Variants in RPAP3 observed in about 807,000 individuals in gnomAD.
RPAP3 encodes the protein RNA polymerase II-associated protein 3.
In RPAP3, 58 loss-of-function variants were observed where a neutral mutation model predicts 88.8. That is an observed-to-expected ratio of 0.65 (90% CI 0.53 to 0.81). The LOEUF (loss-of-function observed/expected upper bound fraction) is 0.81. Among genes scored for constraint, RPAP3 ranks in the 40% least tolerant of loss-of-function variants. The pLI, the probability that RPAP3 is intolerant of heterozygous loss-of-function variation, is 0.00. For synonymous variants in RPAP3, 255 were observed against 259.9 expected (o/e 0.98, Z 0.18); for missense variants, 751 against 764.3 (o/e 0.98, Z 0.20).
At chr12:47,675,394 A>G (rs1211522317) in intron 12 of RPAP3, among the ~76,000 whole-genome samples, 4 of 152,204 alleles carry the variant, frequency 2.6e-5, no homozygotes, top group African/African-American at 9.6e-5. Flanking sequence ...TTCACACATA[A>G]CAATATTACC....
chr12:47,673,457 AAAAAAAAAAAAAAG>A (rs1939041912), intron 12 of RPAP3, among the ~76,000 whole-genome samples: 1 of 110,112 alleles, frequency 9.1e-6, no homozygotes, highest in Admixed American at 1.0e-4. Context: ...AAAAAAAAAA[AAAAAAAAAAAAAAG>A]AATACAGTCA....
intron 12 of RPAP3, among the ~76,000 whole-genome samples, chr12:47,678,226 T>C (rs1592473657): frequency 6.6e-6 from 1 of 152,190 alleles, no homozygotes; most frequent in South Asian, 2.1e-4. Context: ...ATCCCTTCCT[T>C]ACACCTTATA....
chr12:47,685,224 C>T (rs1438477669), intron 9 of RPAP3, among the ~76,000 whole-genome samples: 4 of 151,944 alleles, frequency 2.6e-5, no homozygotes, highest in Admixed American at 6.6e-5. Context: ...ACTAAAAATA[C>T]AAAAATTAGC....
intron 10 of RPAP3, among the ~76,000 whole-genome samples, chr12:47,680,030 T>A (rs760048098): frequency 3.3e-5 from 5 of 152,192 alleles, no homozygotes; most frequent in Non-Finnish European, 5.9e-5. Context: ...AGAGGTCATC[T>A]AACTTAGCAA....
chr12:47,670,799 T>G (rs573631848), intron 12 of RPAP3, among the ~76,000 whole-genome samples: 1 of 152,160 alleles, frequency 6.6e-6, no homozygotes, highest in South Asian at 2.1e-4. Context: ...AGACAGCTTA[T>G]GAAGGGACTT....
intron 9 of RPAP3, among the ~76,000 whole-genome samples, chr12:47,685,422 G>A (rs1278166636): frequency 5.3e-5 from 8 of 151,318 alleles, no homozygotes; most frequent in Non-Finnish European, 1.2e-4. Flanking sequence ...ACATTATAAC[G>A]GTTACTGGTA....
In RPAP3 at chr12:47,681,815, T is replaced by A; in HGVS notation, c.995A>T (p.Tyr332Phe). ...TGTGCAGTCTTTTTCAGCTTCTTCA[T>A]ATCTATTGAACATGATAAAATTACT... ...RAMAYLKIQK[Y>F]EEAEKDCTQA... The change falls in exon 10 of 17, where the codon TAT becomes TTT. Residue 332 changes from tyrosine to phenylalanine, a missense_variant and splice_region_variant. Transcript: ENST00000005386. The A allele has an allele frequency of 6.2e-7, 1 of 1,600,554 alleles. No individual in the cohort carries two copies.
Position 47,685,519 on chromosome 12 carries a change from G to A in RPAP3, c.992+1261C>T, listed in dbSNP as rs148756023. ...TTATTTGCATGTGATTGCAGTGTCT[G>A]GTTTATAGATACTCTTGTGACAAGG... On this transcript the variant is annotated intron_variant, in intron 9 of 16. Transcript: ENST00000005386. 2.1e-3 allele frequency among the ~76,000 whole-genome samples: 320 copies of A among 152,218 alleles called. 2 individuals carry two copies. Among genetic ancestry groups the A allele is most frequent in the African/African-American group, 7.2e-3 (298 of 41,534 alleles).
At chr12:47,705,038 G>C (rs1000697873) in intron 1 of RPAP3, among the ~76,000 whole-genome samples, 1 of 152,080 alleles carries the variant, frequency 6.6e-6, no homozygotes, top group African/African-American at 2.4e-5. Context: ...ATTATATGGA[G>C]ATTACAGTAC....
At chr12:47,667,525 TAA>T (rs1272808267) in intron 15 of RPAP3, among the ~76,000 whole-genome samples, 1 of 152,178 alleles carries the variant, frequency 6.6e-6, no homozygotes, top group African/African-American at 2.4e-5. Context: ...CATAGCATCA[TAA>T]GAGTACAGTA....
chr12:47,671,851 G>A (rs1939005155), intron 12 of RPAP3, among the ~76,000 whole-genome samples: 1 of 152,150 alleles, frequency 6.6e-6, no homozygotes, highest in Admixed American at 6.6e-5. Context: ...GGGAAGAACA[G>A]TATGCTAGTA....
At chr12:47,665,229 T>C (rs1302311740) in intron 16 of RPAP3, among the ~76,000 whole-genome samples, 1 of 151,788 alleles carries the variant, frequency 6.6e-6, no homozygotes, top group Non-Finnish European at 1.5e-5. Context: ...CCCAAGTAGC[T>C]GGGATTACAG....
intron 5 of RPAP3, among the ~76,000 whole-genome samples, chr12:47,693,475 A>G (rs1157054813): frequency 6.6e-6 from 1 of 152,214 alleles, no homozygotes; most frequent in Non-Finnish European, 1.5e-5. Flanking sequence ...TGTTGGACAA[A>G]TGGCACCAAT....
Position 47,702,765 on chromosome 12 carries a change from G to C in RPAP3, c.76C>G (p.Arg26Gly), listed in dbSNP as rs144653550. 6.2e-7 allele frequency: 1 copy of C among 1,611,232 alleles called. No individual in the cohort carries two copies. Among genetic ancestry groups the C allele is most frequent in the Non-Finnish European group, 8.5e-7 (1 of 1,177,946 alleles). The stretch of plus-strand genomic sequence containing the variant: ...TCTTTTTCCCAGTTTTCTAAATCCC[G>C]CATAAAGTCTTGTAATTCTTCTGCA... ...QNAEELQDFM[R>G]DLENWEKDIK... Residue 26 changes from arginine (R) to glycine (G), a missense_variant, in exon 2 of 17, where the codon CGG becomes GGG. Arg to Gly is a moderately radical substitution (Grantham distance 125). Transcript: ENST00000005386.
At chr12:47,683,700 T>C (rs368243030) in intron 9 of RPAP3, among the ~76,000 whole-genome samples, 9 of 152,304 alleles carry the variant, frequency 5.9e-5, no homozygotes, top group African/African-American at 1.9e-4. Flanking sequence ...TTTTAGGTGG[T>C]TGGAGAAAAA....
chr12:47,689,000 T>C (rs1481058330), intron 7 of RPAP3, 125 bp downstream of exon 7: 2 of 577,888 alleles, frequency 3.5e-6, no homozygotes, highest in South Asian at 2.0e-5. Flanking sequence ...TAAAACTCTA[T>C]AGTACAAAGA....
chr12:47,695,692 T>C lies in RPAP3; in HGVS notation c.545+584A>G, dbSNP rs534783998. On this transcript the variant is annotated intron_variant, in intron 5 of 16. Transcript: ENST00000005386. The stretch of plus-strand genomic sequence containing the variant: ...GTTTCAAAGACATAAAAATGTTAAA[T>C]AGTAAAAATTCAGATACCAATAAAA... Among the ~76,000 whole-genome samples, 15 of 152,274 alleles carry C rather than the reference T, an allele frequency of 9.9e-5. No homozygotes were observed. The South Asian group carries it at 3.1e-3, about 32-fold the overall frequency.
At chr12:47,698,733 G>C (rs1451930007) in intron 3 of RPAP3, among the ~76,000 whole-genome samples, 1 of 151,872 alleles carries the variant, frequency 6.6e-6, no homozygotes, top group Non-Finnish European at 1.5e-5. Context: ...AGGCTGGTCT[G>C]GATCCTAAGC....
At chr12:47,671,543 C>T (rs571314449) in intron 12 of RPAP3, among the ~76,000 whole-genome samples, 3 of 152,070 alleles carry the variant, frequency 2.0e-5, no homozygotes, top group Middle Eastern at 3.4e-3. Context: ...TGTTACTAAA[C>T]GAAGGTACAA....
Sources: gnomAD v4.1 joint callset for allele counts (sites outside exome capture counted in the v4.1 genomes callset) on GRCh38, gnomAD v4.1.1 for gene constraint, MANE v1.5 for transcripts, NCBI Gene and HGNC (gene_info 2026-07-23, HGNC 2026-07-21) for gene names.